The following ORC1 variants were observed in gnomAD, a reference collection of about 807,000 sequenced individuals.
ORC1 encodes origin recognition complex, subunit 1 homolog.
A neutral mutation model predicts 98.9 loss-of-function variants in ORC1; 61 were observed. The observed-to-expected ratio is 0.62, with a 90% CI of 0.50 to 0.76. The LOEUF is 0.76. Ranked by LOEUF, ORC1 falls within the 30% of genes least tolerant of loss-of-function variation. The pLI is 0.00. For missense variants in ORC1, 979 were observed against 1,072.2 expected (o/e 0.91, Z 1.21); for synonymous variants, 385 against 406.9 (o/e 0.95, Z 0.65).
rs755000631 is a variant in ORC1 at position 52,393,538 on chromosome 1, G to C, written c.987C>G (p.Asp329Glu). ...RTRIAASKTI[D>E]IREERTLTPI... ...GGGTAAGTGTTCTCTCCTCTCTAAT[G>C]TCTATGGTTTTCGAAGCTGCAATTC... The change falls in exon 6 of 17, where the codon GAC (aspartate) becomes GAG (glutamate). Residue 329 changes from aspartate to glutamate, a missense_variant. Transcript: ENST00000371568. The C allele has an allele frequency of 5.3e-5, 86 of 1,614,042 alleles. No individual in the cohort carries two copies. Among genetic ancestry groups the C allele is most frequent in the Non-Finnish European group, 6.9e-5 (81 of 1,180,052 alleles).
chr1:52,377,409 G>A (rs936251924), intron 14 of ORC1, among the ~76,000 whole-genome samples: 5 of 152,074 alleles, frequency 3.3e-5, no homozygotes, highest in Non-Finnish European at 7.4e-5. Flanking sequence ...CAAGTAGCTG[G>A]GACTACAGGC....
At chr1:52,404,914 C>T (rs200984323), upstream of ORC1, 388 of 1,608,996 alleles carry the variant, frequency 2.4e-4, 1 homozygote, top group African/African-American at 4.6e-3. Flanking sequence ...TCTCAGCCCC[C>T]TTGTGGCCCA....
Position 52,385,204 on chromosome 1 carries a change from T to C in ORC1, c.1540A>G (p.Ile514Val), listed in dbSNP as rs527750995. The C allele has an allele frequency of 5.1e-5, 83 of 1,614,104 alleles. 2 individuals carry two copies. Among genetic ancestry groups the C allele is most frequent in the South Asian group, 5.1e-4 (46 of 91,082 alleles). Residue 514 changes from isoleucine (I) to valine (V), a missense_variant, in exon 10 of 17, where the codon ATC (isoleucine) becomes GTC (valine). Coordinates refer to ENST00000371568, the MANE Select transcript of ORC1 (RefSeq NM_004153.4). ...AGTTTGCTTTCCACAAAATTGTAGA[T>C]GTCTTGGAATTCCTGTTCCCGACAG... ...LPCREQEFQD[I>V]YNFVESKLLD...
At chr1:52,408,193 T>C (rs929514905), upstream of ORC1, 7 of 353,056 alleles carry the variant, frequency 2.0e-5, no homozygotes, top group East Asian at 4.6e-4. Context: ...TGAGCCAAGA[T>C]CGTGCCACTG....
upstream of ORC1, chr1:52,408,636 T>C (rs781075627): frequency 1.1e-5 from 17 of 1,614,106 alleles, no homozygotes; most frequent in East Asian, 2.2e-5. Context: ...CTACAAGTAC[T>C]TGGAACCTTT....
At chr1:52,379,881 C>T (rs1159238985) in intron 14 of ORC1, among the ~76,000 whole-genome samples, 2 of 151,834 alleles carry the variant, frequency 1.3e-5, no homozygotes, top group African/African-American at 2.4e-5. Context: ...TGCGGTAAGC[C>T]GAAATTGCAC....
Position 52,401,380 on chromosome 1 carries a change from G to C in ORC1, c.205C>G (p.Leu69Val). 1 of 1,613,592 alleles carries C rather than the reference G, an allele frequency of 6.2e-7. No individual in the cohort carries two copies. The part of the protein sequence containing the change: ...DDENPYVAKL[L>V]ELFEDDSDPP... ...AACTCACCATCTTCGAACAACTCAAGCAATTTAGCAACATACGGGTTTTCA... is the reference window on the plus strand; with the variant it reads ...AACTCACCATCTTCGAACAACTCAACCAATTTAGCAACATACGGGTTTTCA... Residue 69 changes from leucine (L) to valine (V), a missense_variant, in exon 3 of 17, where the codon CTT (leucine) becomes GTT (valine). By Grantham distance (32) the Leu-to-Val change is conservative (BLOSUM62 1). Transcript: ENST00000371568.
chr1:52,377,104 C>T (rs1291773508), intron 14 of ORC1, among the ~76,000 whole-genome samples: 1 of 152,124 alleles, frequency 6.6e-6, no homozygotes, highest in African/African-American at 2.4e-5. Flanking sequence ...CTTACTGCAA[C>T]CTCCACCTGT....
In ORC1 at chr1:52,381,794, G is replaced by A. The variant is rs200252608; in HGVS notation, c.2014-33C>T. On this transcript the variant is annotated intron_variant, in intron 13 of 16. Coordinates refer to ENST00000371568, the MANE Select transcript of ORC1 (RefSeq NM_004153.4). ...GCCAAAATGACAGAGGAATAAGTTGGTTGACTGCCCAGTGATTATCCAGGT... is the reference window on the plus strand; with the variant it reads ...GCCAAAATGACAGAGGAATAAGTTGATTGACTGCCCAGTGATTATCCAGGT... The A allele has an allele frequency of 3.7e-6, 6 of 1,610,314 alleles. No individual in the cohort carries two copies. In the Admixed American group the frequency reaches 5.0e-5, roughly 13 times the overall value.
chr1:52,376,021 C>T (rs1010092044), intron 14 of ORC1, among the ~76,000 whole-genome samples: 4 of 152,196 alleles, frequency 2.6e-5, no homozygotes, highest in Admixed American at 6.5e-5. Flanking sequence ...GCACCCCTTA[C>T]AGCACGTGGT....
rs185953780 is a variant in ORC1, at chr1:52,388,859, A to T, written c.1188-222T>A. The stretch of plus-strand genomic sequence containing the variant: ...ATATTATTATATTTTGTAGATGAGG[A>T]ATTTCAGGCTTAGAAAGGTAATTTT... On this transcript the variant is annotated intron_variant, in intron 7 of 16. Coordinates refer to ENST00000371568, the MANE Select transcript of ORC1 (RefSeq NM_004153.4). 2.6e-5 allele frequency among the ~76,000 whole-genome samples: 4 copies of T among 152,260 alleles called. No individual in the cohort carries two copies. The East Asian group carries it at 7.7e-4, about 29-fold the overall frequency.
At chr1:52,390,183 C>T (rs1353983731) in intron 6 of ORC1, among the ~76,000 whole-genome samples, 1 of 152,078 alleles carries the variant, frequency 6.6e-6, no homozygotes, top group African/African-American at 2.4e-5. Context: ...CTTCACAGAA[C>T]TAGAAAAAAC....
intron 3 of ORC1, among the ~76,000 whole-genome samples, chr1:52,398,119 C>T (rs1410714636): frequency 6.6e-6 from 1 of 151,942 alleles, no homozygotes; most frequent in Non-Finnish European, 1.5e-5. Context: ...ACCTGCCATC[C>T]TACCTGGCTA....
intron 14 of ORC1, among the ~76,000 whole-genome samples, chr1:52,376,316 A>G (rs1305650015): frequency 6.6e-6 from 1 of 152,108 alleles, no homozygotes; most frequent in Middle Eastern, 3.2e-3. Flanking sequence ...GAAGTTTAAG[A>G]CCAGCCTGAC....
chr1:52,402,054 A>G (rs2147948193), intron 2 of ORC1, 75 bp downstream of exon 2: 1 of 1,047,760 alleles, frequency 9.5e-7, no homozygotes, highest in Non-Finnish European at 1.5e-6. Context: ...AGTAATTAGA[A>G]CAGGCTAGAT....
chr1:52,387,057 C>T (rs1358923143), intron 8 of ORC1, among the ~76,000 whole-genome samples: 3 of 152,156 alleles, frequency 2.0e-5, no homozygotes, highest in Non-Finnish European at 4.4e-5. Context: ...TGGGCTTCTG[C>T]CCTTTTTTAT....
intron 16 of ORC1, among the ~76,000 whole-genome samples, 162 bp from the exon 17 acceptor site, chr1:52,373,537 G>A (rs376552149): frequency 6.6e-6 from 1 of 152,194 alleles, no homozygotes; most frequent in Non-Finnish European, 1.5e-5. Context: ...AAATGCAGAG[G>A]CAGAATGGAA....
chr1:52,402,734 G>A (rs1489828115), intron 1 of ORC1, among the ~76,000 whole-genome samples: 1 of 152,142 alleles, frequency 6.6e-6, no homozygotes, highest in Non-Finnish European at 1.5e-5. Flanking sequence ...AGGAGTTCGG[G>A]ACCAGCCTGG....
At chr1:52,380,228 T>G (rs1647042881) in intron 14 of ORC1, among the ~76,000 whole-genome samples, 1 of 152,098 alleles carries the variant, frequency 6.6e-6, no homozygotes, top group Non-Finnish European at 1.5e-5. Context: ...ACAGCAAATC[T>G]CATAGTGAAT....
Sources: allele counts gnomAD v4.1 joint callset (sites outside exome capture counted in the v4.1 genomes callset), GRCh38; gene constraint gnomAD v4.1.1; transcripts MANE v1.5; gene names NCBI Gene and HGNC (gene_info 2026-07-23, HGNC 2026-07-21).